The following ZC3HC1 variants were observed in gnomAD, a reference collection of about 807,000 sequenced individuals.
ZC3HC1 encodes the protein zinc finger C3HC-type containing 1.
ZC3HC1 carries 38 observed loss-of-function variants against 61.9 expected under a neutral mutation model. That is an observed-to-expected ratio of 0.61 (90% CI 0.47 to 0.81). The LOEUF (loss-of-function observed/expected upper bound fraction) is 0.81. ZC3HC1 is among the 30% of genes least tolerant of loss of function. ZC3HC1 has a pLI of 0.00. For synonymous variants in ZC3HC1, 213 were observed against 229.9 expected (o/e 0.93, Z 0.67); for missense variants, 554 against 622.7 (o/e 0.89, Z 1.17).
intron 2 of ZC3HC1, among the ~76,000 whole-genome samples, chr7:130,048,225 C>T (rs1424960221): frequency 2.1e-5 from 3 of 146,208 alleles, no homozygotes; most frequent in East Asian, 4.2e-4. Flanking sequence ...TCTCGACTCA[C>T]TGCAAACTCT....
intron 4 of ZC3HC1, among the ~76,000 whole-genome samples, chr7:130,035,017 C>T (rs1255753235): frequency 6.6e-6 from 1 of 152,080 alleles, no homozygotes; most frequent in African/African-American, 2.4e-5. Context: ...GTGAGCCAGC[C>T]CTGTGAAACT....
chr7:130,039,613 C>G, intron 3 of ZC3HC1, 66 bp from the exon 4 acceptor site: 1 of 1,141,968 alleles, frequency 8.8e-7, no homozygotes, highest in Non-Finnish European at 1.3e-6. Context: ...AATGAATGGC[C>G]TCTAAGAGCA....
chr7:130,031,694 T>A (rs1464965167), intron 4 of ZC3HC1, among the ~76,000 whole-genome samples: 1 of 152,184 alleles, frequency 6.6e-6, no homozygotes, highest in East Asian at 1.9e-4. Flanking sequence ...GAAGGACATG[T>A]GCAGGTATAG....
chr7:130,045,512 CA>C, intron 2 of ZC3HC1: 1 of 457,508 alleles, frequency 2.2e-6, no homozygotes, highest in Non-Finnish European at 4.4e-6. Flanking sequence ...AATGACAGCC[CA>C]GAGAAGAATT....
chr7:130,031,398 G>T (rs1794185496), intron 4 of ZC3HC1, among the ~76,000 whole-genome samples: 1 of 151,644 alleles, frequency 6.6e-6, no homozygotes, highest in Admixed American at 6.6e-5. Context: ...GCAGTCACCG[G>T]AGAGCACAGA....
At position 130,049,084 on chromosome 7, in the gene ZC3HC1, T is replaced by C. The variant is rs1318167867; in HGVS notation, c.207A>G (p.Ser69=). ...VNGSPQAEQP[S]LESTSKEAFF... ...AGGCTTCTTTGCTTGTAGATTCCAA[T>C]GAAGGTTGTTCCGCTTGGGGTGATC... Residue 69 remains serine, a synonymous_variant, in exon 2 of 10, where the codon TCA becomes TCG. Coordinates refer to ENST00000358303, the MANE Select transcript of ZC3HC1 (RefSeq NM_016478.5). The C allele has an allele frequency of 6.2e-7, 1 of 1,610,268 alleles. No individual in the cohort carries two copies. The highest frequency in any genetic ancestry group is 8.5e-7 in the Non-Finnish European group (1 of 1,178,402).
intron 3 of ZC3HC1, among the ~76,000 whole-genome samples, chr7:130,040,227 G>T (rs1317757111): frequency 7.4e-6 from 1 of 135,218 alleles, no homozygotes; most frequent in East Asian, 2.4e-4. Flanking sequence ...GGGCACGGTG[G>T]CTCACGCCTG....
At chr7:130,027,005 A>AG (rs1793946447) in intron 5 of ZC3HC1, 1 of 151,190 alleles carries the variant, frequency 6.6e-6, no homozygotes, top group Non-Finnish European at 1.5e-5. Context: ...AGAAAAAAAA[A>AG]TTTTAGAGAT....
In ZC3HC1 at chr7:130,041,086, C is replaced by T. The variant is rs1794643406; in HGVS notation, c.274G>A (p.Gly92Ser). 1 of 1,611,272 alleles carries T rather than the reference C, an allele frequency of 6.2e-7. No individual in the cohort carries two copies. The highest frequency in any genetic ancestry group is 8.5e-7 in the Non-Finnish European group (1 of 1,179,476). The change falls in exon 3 of 10, where the codon GGT (glycine) becomes AGT (serine). Residue 92 changes from glycine to serine, a missense_variant. Coordinates refer to ENST00000358303, the MANE Select transcript of ZC3HC1 (RefSeq NM_016478.5). The part of the protein sequence containing the change: ...VETFSSLKWA[G>S]KPFELSPLVC... ...AGTGGAGACAGCTCAAAGGGCTTAC[C>T]TGCCCATTTCAAAGAGTATCCATGT...
chr7:130,039,393 CACAA>C, intron 4 of ZC3HC1, 67 bp downstream of exon 4: 1 of 1,274,168 alleles, frequency 7.8e-7, no homozygotes, highest in Non-Finnish European at 1.1e-6. Flanking sequence ...ACTAGGTTTT[CACAA>C]ACAGACAATA....
chr7:130,029,603 G>C (rs1794086674), intron 4 of ZC3HC1, among the ~76,000 whole-genome samples: 1 of 152,150 alleles, frequency 6.6e-6, no homozygotes, highest in Admixed American at 6.6e-5. Flanking sequence ...AAACAATGCA[G>C]AGGGGCAGGG....
Position 130,023,592 on chromosome 7 carries a change from T to C in ZC3HC1, c.1152A>G (p.Thr384=), listed in dbSNP as rs771757910. The change falls in exon 8 of 10, where the codon ACA becomes ACG. Residue 384 remains threonine (T), a synonymous_variant. Coordinates refer to ENST00000358303, the MANE Select transcript of ZC3HC1 (RefSeq NM_016478.5). The surrounding 1 kb of genome is among the most constrained non-coding windows in gnomAD (Gnocchi z 4.2). ...GTACCTCCAGGCCAGGGGTGTCTCCTGTTCCCATGCTTCGGGTCACTGGGC... is the reference window on the plus strand; with the variant it reads ...GTACCTCCAGGCCAGGGGTGTCTCCCGTTCCCATGCTTCGGGTCACTGGGC... ...RTRPVTRSMG[T]GDTPGLEVPS... 2.5e-6 allele frequency: 4 copies of C among 1,614,172 alleles called. No individual in the cohort carries two copies. In the East Asian group the frequency reaches 8.9e-5, roughly 36 times the overall value.
intron 4 of ZC3HC1, among the ~76,000 whole-genome samples, chr7:130,037,829 G>A (rs901734610): frequency 6.6e-6 from 1 of 152,198 alleles, no homozygotes; most frequent in African/African-American, 2.4e-5. Flanking sequence ...GAAATATACA[G>A]ATGAATAGTG....
intron 1 of ZC3HC1, among the ~76,000 whole-genome samples, chr7:130,049,608 G>A (rs1425360598): frequency 1.3e-5 from 2 of 151,442 alleles, no homozygotes; most frequent in Admixed American, 1.3e-4. Context: ...GCAACGGTGC[G>A]ATCTCGGCTC....
At chr7:130,032,745 A>C (rs1794263455) in intron 4 of ZC3HC1, among the ~76,000 whole-genome samples, 1 of 31,202 alleles carries the variant, frequency 3.2e-5, no homozygotes, top group African/African-American at 1.1e-4. Flanking sequence ...GAGGGACAGT[A>C]AGAGGGGAAG....
intron 4 of ZC3HC1, among the ~76,000 whole-genome samples, chr7:130,035,895 A>G (rs1794413536): frequency 1.3e-5 from 2 of 152,154 alleles, no homozygotes; most frequent in South Asian, 4.1e-4. Flanking sequence ...CTACACTTGA[A>G]GGTCTCAACA....
intron 4 of ZC3HC1, among the ~76,000 whole-genome samples, chr7:130,033,135 C>T (rs12706910): frequency 0.69 from 105,019 of 151,768 alleles, 37,004 homozygotes; most frequent in East Asian, 0.99. Context: ...CAAGCTTACG[C>T]GATCTTGCCA....
At chr7:130,041,997 T>G (rs1794693636) in intron 2 of ZC3HC1, among the ~76,000 whole-genome samples, 1 of 152,178 alleles carries the variant, frequency 6.6e-6, no homozygotes, top group Non-Finnish European at 1.5e-5. Flanking sequence ...GCACTATGTA[T>G]TTTATGTGTT....
chr7:130,029,299 A>C (rs1244076338), intron 4 of ZC3HC1, among the ~76,000 whole-genome samples: 3 of 152,068 alleles, frequency 2.0e-5, no homozygotes, highest in African/African-American at 4.8e-5. Flanking sequence ...ACTTGAACCC[A>C]GGAGGCAGAG....
Sources: gnomAD v4.1 joint callset for allele counts (sites outside exome capture counted in the v4.1 genomes callset) on GRCh38, gnomAD v4.1.1 for gene constraint, Gnocchi (gnomAD v3.1) non-coding constraint, MANE v1.5 for transcripts, NCBI Gene and HGNC (gene_info 2026-07-23, HGNC 2026-07-21) for gene names.